The following KY variants were observed in gnomAD, a reference collection of about 807,000 sequenced individuals.
The protein encoded by KY is kyphoscoliosis peptidase.
A neutral mutation model predicts 76.1 loss-of-function variants in KY; 43 were observed. The observed-to-expected ratio is 0.57, with a 90% CI of 0.44 to 0.73. The LOEUF is 0.73. Among genes scored for constraint, KY ranks in the 30% least tolerant of loss-of-function variants. The pLI is 0.00. For synonymous variants in KY, 277 were observed against 326.2 expected (o/e 0.85, Z 1.63); for missense variants, 722 against 828.9 (o/e 0.87, Z 1.58).
intron 10 of KY, among the ~76,000 whole-genome samples, chr3:134,606,841 C>A (rs1037804933): frequency 2.6e-5 from 4 of 151,720 alleles, no homozygotes; most frequent in Admixed American, 6.6e-5. Context: ...CTCTCCCCTC[C>A]ACGGCACTCT....
rs572052425 is a variant in KY at position 134,610,176 on chromosome 3, A to T, written c.899+19T>A. ...CTTCCACCTGCCAGACGCCCAGCAG[A>T]ACTGAGACAAGTACTTACAGGAAGG... On this transcript the variant is annotated intron_variant, in intron 9 of 10. Transcript: ENST00000423778. 6.2e-7 allele frequency: 1 copy of T among 1,605,638 alleles called. No individual in the cohort carries two copies. The highest frequency in any genetic ancestry group is 1.1e-5 in the South Asian group (1 of 90,226).
At chr3:134,645,817 G>T (rs917120172) in intron 2 of KY, among the ~76,000 whole-genome samples, 8 of 152,290 alleles carry the variant, frequency 5.3e-5, no homozygotes, top group African/African-American at 1.9e-4. Context: ...TCTTTTACAA[G>T]AGTCTTATAA....
chr3:134,620,853 G>A lies in KY; in HGVS notation c.488C>T (p.Thr163Ile). The A allele has an allele frequency of 6.2e-7, 1 of 1,605,816 alleles. No homozygotes were observed. The highest frequency in any genetic ancestry group is 8.5e-7 in the Non-Finnish European group (1 of 1,174,146). Residue 163 changes from threonine (T) to isoleucine (I), a missense_variant, in exon 7 of 11, where the codon ACA becomes ATA. This residue lies in a region of KY where 552 missense variants were observed against 680.9 expected (regional missense o/e 0.81). Transcript: ENST00000423778. ...EKLDIYASQV[T>I]AKSGLDELVS... Reference sequence around the variant, plus strand: ...CAGTTCGTCTAGGCCACTCTTGGCTGTCACCTGGGGAGCAGGAAGGGTGTG... The same window carrying A: ...CAGTTCGTCTAGGCCACTCTTGGCTATCACCTGGGGAGCAGGAAGGGTGTG...
At chr3:134,604,960 C>A (rs796128535) in intron 10 of KY, among the ~76,000 whole-genome samples, 3 of 152,298 alleles carry the variant, frequency 2.0e-5, no homozygotes, top group African/African-American at 7.2e-5. Context: ...AATGGCTTCA[C>A]TCCCTGAGAC....
In KY at chr3:134,604,397, G is replaced by A. The variant is rs1229133427; in HGVS notation, c.1168C>T (p.His390Tyr). 1 of 1,614,028 alleles carries A rather than the reference G, an allele frequency of 6.2e-7. No individual in the cohort carries two copies. Among genetic ancestry groups the A allele is most frequent in the African/African-American group, 1.3e-5 (1 of 75,060 alleles). ...FMFMLNGKQE[H>Y]GLLSLRKNGM... is the part of the protein sequence containing the mutation. ...TTCTTCCTTAGGCTCAGCAGCCCAT[G>A]CTCTTGCTTGCCATTGAGCATGAAC... Residue 390 changes from histidine (H) to tyrosine (Y), a missense_variant, in exon 11 of 11, where the codon CAT (histidine) becomes TAT (tyrosine). By Grantham distance (83) the His-to-Tyr change is moderately conservative. Around this residue, in one of 2 missense-constraint regions of KY, gnomAD observed 552 missense variants for 680.9 expected, o/e 0.81. Coordinates refer to ENST00000423778, the MANE Select transcript of KY (RefSeq NM_178554.6).
chr3:134,648,505 C>T (rs916646507), intron 1 of KY, among the ~76,000 whole-genome samples: 1 of 152,222 alleles, frequency 6.6e-6, no homozygotes, highest in Non-Finnish European at 1.5e-5. Context: ...ATATCCTCTA[C>T]TGCTGCAGGA....
intron 4 of KY, among the ~76,000 whole-genome samples, chr3:134,628,895 C>T (rs991664050): frequency 6.6e-6 from 1 of 152,234 alleles, no homozygotes. Flanking sequence ...ATCCTGACTG[C>T]TGATGACTAC....
At chr3:134,617,066 G>C (rs1961696537) in intron 8 of KY, among the ~76,000 whole-genome samples, 1 of 152,130 alleles carries the variant, frequency 6.6e-6, no homozygotes, top group Admixed American at 6.5e-5. Flanking sequence ...TCTAAAGGAT[G>C]CTAGGATGCT....
At chr3:134,627,265 G>C (rs533270987) in intron 5 of KY, among the ~76,000 whole-genome samples, 2 of 152,290 alleles carry the variant, frequency 1.3e-5, no homozygotes, top group Admixed American at 1.3e-4. Context: ...ATAGGAAGAA[G>C]TATGGAGCTG....
chr3:134,644,209 TTC>T (rs1245179728), intron 2 of KY, among the ~76,000 whole-genome samples: 1 of 152,194 alleles, frequency 6.6e-6, no homozygotes, highest in Non-Finnish European at 1.5e-5. Context: ...TGTAGTTTGG[TTC>T]TGTTTCACAA....
rs1254611411 is a variant in KY at position 134,602,274 on chromosome 3, T to TCC, written c.*1304_*1305insGG. The stretch of plus-strand genomic sequence containing the variant: ...TCCCTCTTATCTGCCCTCGCTGAAG[T>TCC]CAGCCTTTCCTCCGTTGCCATGGCA... On this transcript the variant is annotated 3_prime_UTR_variant, in exon 11 of 11. Coordinates refer to ENST00000423778, the MANE Select transcript of KY (RefSeq NM_178554.6). Among the ~76,000 whole-genome samples the TCC allele has an allele frequency of 1.3e-5, 2 of 152,070 alleles. No individual in the cohort carries two copies. The highest frequency in any genetic ancestry group is 1.3e-4 in the Admixed American group (2 of 15,282).
At chr3:134,628,111 G>A in intron 4 of KY, 1 of 419,062 alleles carries the variant, frequency 2.4e-6, no homozygotes, top group Non-Finnish European at 4.4e-6. Flanking sequence ...GATTCATTGG[G>A]TCCTCCTGGA....
intron 10 of KY, 73 bp downstream of exon 10, chr3:134,608,576 G>T (rs1959680464): frequency 6.2e-7 from 1 of 1,612,518 alleles, no homozygotes; most frequent in African/African-American, 1.3e-5. Context: ...CGCAGTCTCA[G>T]GCGGGCTCCT....
intron 10 of KY, chr3:134,607,907 G>C: frequency 1.0e-6 from 1 of 991,778 alleles, no homozygotes; most frequent in Non-Finnish European, 1.2e-6. Context: ...CTCATCCAGG[G>C]GTGCCTGAGT....
At chr3:134,605,837 C>A (rs1403015176) in intron 10 of KY, among the ~76,000 whole-genome samples, 1 of 152,156 alleles carries the variant, frequency 6.6e-6, no homozygotes, top group African/African-American at 2.4e-5. Flanking sequence ...CTCTTTGCGA[C>A]CCCCACTCTT....
At chr3:134,610,056 G>T in intron 9 of KY, 139 bp downstream of exon 9, 1 of 895,624 alleles carries the variant, frequency 1.1e-6, no homozygotes, top group Non-Finnish European at 1.7e-6. Flanking sequence ...CCACTTCAGA[G>T]CCGAGGAGGA....
chr3:134,645,219 G>A (rs932512976), intron 2 of KY, among the ~76,000 whole-genome samples: 2 of 152,220 alleles, frequency 1.3e-5, no homozygotes, highest in Non-Finnish European at 1.5e-5. Context: ...AGCTATTGGG[G>A]TGGGGTAGGA....
intron 4 of KY, 66 bp from the exon 5 acceptor site, chr3:134,627,884 CT>C: frequency 7.8e-7 from 1 of 1,283,114 alleles, no homozygotes; most frequent in Non-Finnish European, 1.1e-6. Context: ...GCACTGATGA[CT>C]CACCTTCTGG....
intron 4 of KY, 76 bp downstream of exon 4, chr3:134,629,545 G>C (rs1158449652): frequency 8.8e-7 from 1 of 1,135,044 alleles, no homozygotes; most frequent in Non-Finnish European, 1.3e-6. Context: ...AGATGCTTGG[G>C]CTGGGATCTG....
Sources: allele counts gnomAD v4.1 joint callset (sites outside exome capture counted in the v4.1 genomes callset), GRCh38; gene constraint gnomAD v4.1.1; regional missense constraint gnomAD v4.1.1; transcripts MANE v1.5; gene names NCBI Gene and HGNC (gene_info 2026-07-23, HGNC 2026-07-21).